The following SDK1 variants were observed in gnomAD, a reference collection of about 807,000 sequenced individuals.
SDK1 encodes protein sidekick-1.
A neutral mutation model predicts 245.5 loss-of-function variants in SDK1; 157 were observed. The ratio of observed to expected loss-of-function variants is 0.64; its 90% CI spans 0.56 to 0.73. The LOEUF is 0.73. Among genes scored for constraint, SDK1 ranks in the 30% least tolerant of loss-of-function variants. The pLI is 0.00. For synonymous variants in SDK1, 1,647 were observed against 1,278.5 expected (o/e 1.29, Z -6.15); for missense variants, 3,583 against 3,002.3 (o/e 1.19, Z -4.52).
intron 1 of SDK1, among the ~76,000 whole-genome samples, chr7:3,574,810 C>T (rs1220146235): frequency 6.6e-6 from 1 of 152,060 alleles, no homozygotes; most frequent in East Asian, 1.9e-4. Context: ...TGAAAGGTGA[C>T]AGAAACTTGA....
intron 9 of SDK1, among the ~76,000 whole-genome samples, chr7:3,965,524 A>G (rs57555287): frequency 0.017 from 2,599 of 152,256 alleles, 78 homozygotes; most frequent in African/African-American, 0.058. Context: ...AATACCCTTA[A>G]TGAAAGGAAA....
At chr7:4,241,616 C>T (rs1051462895) in intron 42 of SDK1, among the ~76,000 whole-genome samples, 177 bp from the exon 43 acceptor site, 4 of 152,232 alleles carry the variant, frequency 2.6e-5, no homozygotes, top group Non-Finnish European at 5.9e-5. Context: ...ACACTGTGAT[C>T]AGTACCTAGC....
At chr7:3,551,080 C>G (rs1300648520) in intron 1 of SDK1, among the ~76,000 whole-genome samples, 1 of 152,176 alleles carries the variant, frequency 6.6e-6, no homozygotes, top group Non-Finnish European at 1.5e-5. Flanking sequence ...TTACATCCTG[C>G]AAACTATTTT....
At chr7:3,578,186 C>G (rs531750260) in intron 1 of SDK1, among the ~76,000 whole-genome samples, 2 of 151,912 alleles carry the variant, frequency 1.3e-5, no homozygotes, top group African/African-American at 4.8e-5. Context: ...GTTGGGCCGC[C>G]GGGGGTGACA....
chr7:3,901,108 G>A (rs1342178594), intron 5 of SDK1, among the ~76,000 whole-genome samples: 1 of 152,144 alleles, frequency 6.6e-6, no homozygotes. Context: ...CAGACCAGTT[G>A]TTTGGCAGAA....
At chr7:3,890,891 G>T (rs541642258) in intron 5 of SDK1, among the ~76,000 whole-genome samples, 7 of 152,242 alleles carry the variant, frequency 4.6e-5, no homozygotes, top group African/African-American at 1.7e-4. Context: ...GCAGTGAGCC[G>T]AAAGCACTCC....
At chr7:3,378,182 T>TC (rs1781400176) in intron 1 of SDK1, among the ~76,000 whole-genome samples, 1 of 152,206 alleles carries the variant, frequency 6.6e-6, no homozygotes, top group African/African-American at 2.4e-5. Flanking sequence ...CAGTCATCTT[T>TC]CGGGGGCTAC....
chr7:3,716,478 T>C (rs1785204919), intron 4 of SDK1, among the ~76,000 whole-genome samples: 1 of 152,210 alleles, frequency 6.6e-6, no homozygotes, highest in Non-Finnish European at 1.5e-5. Context: ...GGCCACGTGT[T>C]ATCACGTGTA....
intron 1 of SDK1, among the ~76,000 whole-genome samples, chr7:3,321,774 CCTTCTCCTTCCT>C (rs1779814003): frequency 1.3e-5 from 1 of 74,878 alleles, no homozygotes. Flanking sequence ...TTCCTTCCTT[CCTTCTCCTTCCT>C]TCCTTCCTTC....
Position 3,882,738 on chromosome 7 carries a change from T to A in SDK1, c.847+61155T>A, listed in dbSNP as rs539759824. Reference sequence around the variant, plus strand: ...TACAAATGAGCCTTCTTTTTTTTTTTAAAAGCCAACTTGGCAGGGTCTCTC... The same window carrying A: ...TACAAATGAGCCTTCTTTTTTTTTTAAAAAGCCAACTTGGCAGGGTCTCTC... On this transcript the variant is annotated intron_variant, in intron 5 of 44. Coordinates refer to ENST00000404826, the MANE Select transcript of SDK1 (RefSeq NM_152744.4). Among the ~76,000 whole-genome samples, 53 of 152,132 alleles carry A rather than the reference T, an allele frequency of 3.5e-4. 1 individual carries two copies. Among genetic ancestry groups the A allele is most frequent in the African/African-American group, 1.2e-3 (48 of 41,490 alleles).
intron 4 of SDK1, among the ~76,000 whole-genome samples, chr7:3,642,524 C>T (rs1252807013): frequency 6.6e-6 from 1 of 152,160 alleles, no homozygotes; most frequent in Non-Finnish European, 1.5e-5. Context: ...TTTGATACTG[C>T]TTTCTCTGAC....
intron 17 of SDK1, among the ~76,000 whole-genome samples, chr7:4,036,528 TA>T (rs1788232634): frequency 1.3e-5 from 2 of 152,238 alleles, no homozygotes; most frequent in African/African-American, 4.8e-5. Flanking sequence ...CACCGTAACA[TA>T]GTTGAAATTT....
chr7:4,012,776 G>T (rs1174202804), intron 16 of SDK1, among the ~76,000 whole-genome samples: 3 of 151,668 alleles, frequency 2.0e-5, no homozygotes, highest in East Asian at 3.9e-4. Context: ...GTTTCACCAT[G>T]GTGACCAAGC....
At chr7:3,678,784 A>C (rs1471011791) in intron 4 of SDK1, among the ~76,000 whole-genome samples, 1 of 152,224 alleles carries the variant, frequency 6.6e-6, no homozygotes, top group Non-Finnish European at 1.5e-5. Flanking sequence ...GATAGATTTC[A>C]GGCATATTTT....
intron 5 of SDK1, among the ~76,000 whole-genome samples, chr7:3,884,386 G>A (rs1017892996): frequency 2.6e-5 from 4 of 152,210 alleles, no homozygotes; most frequent in East Asian, 1.9e-4. Context: ...CTCAGTGCGC[G>A]GGAAGTTGTG....
intron 13 of SDK1, among the ~76,000 whole-genome samples, chr7:3,984,137 C>A (rs950226589): frequency 2.0e-5 from 3 of 152,154 alleles, no homozygotes; most frequent in African/African-American, 7.2e-5. Flanking sequence ...TTGTGGTCTG[C>A]TGGCAGGGGG....
intron 30 of SDK1, among the ~76,000 whole-genome samples, chr7:4,155,137 G>A (rs965423648): frequency 6.6e-6 from 1 of 151,956 alleles, no homozygotes; most frequent in Non-Finnish European, 1.5e-5. Flanking sequence ...CCTCATTTGG[G>A]CAGTGGGGCT....
chr7:3,601,585 TTC>T (rs1273102447), intron 1 of SDK1, among the ~76,000 whole-genome samples: 4 of 151,994 alleles, frequency 2.6e-5, no homozygotes, highest in Non-Finnish European at 5.9e-5. Context: ...GATTTGTGTC[TTC>T]TCTCTTTTTA....
chr7:4,112,526 G>T (rs1783413811), intron 23 of SDK1, among the ~76,000 whole-genome samples: 1 of 152,152 alleles, frequency 6.6e-6, no homozygotes. Flanking sequence ...CTTCAAAACT[G>T]CCCTTTGGTA....
Sources: gnomAD v4.1 joint callset for allele counts (sites outside exome capture counted in the v4.1 genomes callset) on GRCh38, gnomAD v4.1.1 for gene constraint, MANE v1.5 for transcripts, NCBI Gene and HGNC (gene_info 2026-07-23, HGNC 2026-07-21) for gene names.